The following VPS54 variants were observed in gnomAD, a reference collection of about 807,000 sequenced individuals.
The protein encoded by VPS54 is vacuolar protein sorting-associated protein 54.
In VPS54, 45 loss-of-function variants were observed where a neutral mutation model predicts 121.5. The observed-to-expected ratio is 0.37, with a 90% CI of 0.29 to 0.47. VPS54 has a LOEUF of 0.47. Among genes scored for constraint, VPS54 ranks in the 20% least tolerant of loss-of-function variants. The pLI, the probability that VPS54 is intolerant of heterozygous loss-of-function variation, is 0.99. For missense variants in VPS54, 1,090 were observed against 1,131.4 expected (o/e 0.96, Z 0.52); for synonymous variants, 371 against 385.8 (o/e 0.96, Z 0.45).
chr2:63,982,996 C>A (rs1188048004), intron 2 of VPS54, among the ~76,000 whole-genome samples: 1 of 152,060 alleles, frequency 6.6e-6, no homozygotes, highest in South Asian at 2.1e-4. Context: ...GGAGAATTTG[C>A]AAATACACAA....
chr2:63,980,424 T>C (rs1009700739), intron 3 of VPS54, among the ~76,000 whole-genome samples: 1 of 152,132 alleles, frequency 6.6e-6, no homozygotes, highest in African/African-American at 2.4e-5. Flanking sequence ...TTAAACCATT[T>C]AGATTTGGTG....
chr2:63,942,971 T>A (rs573645650), intron 10 of VPS54, among the ~76,000 whole-genome samples: 8 of 152,318 alleles, frequency 5.3e-5, no homozygotes, highest in Admixed American at 5.2e-4. Flanking sequence ...CACAACACAA[T>A]GCCTTGGTTT....
rs1347775281 is a variant in VPS54 at position 63,892,506 on chromosome 2, C to T, written c.*924G>A. 6.6e-6 allele frequency: 1 copy of T among 152,542 alleles called. No individual in the cohort carries two copies. The highest frequency in any genetic ancestry group is 2.4e-5 in the African/African-American group (1 of 41,412). The allele number at this position is 152,542 out of a possible 1,614,324, so 9.4% of individuals were successfully genotyped here. A position where few individuals can be genotyped will look rare whatever the true frequency, so the allele number is the denominator to read the frequency against. ...TTGTTCGTATACACATCGAAAGTAA[C>T]TTAAAAACAAGGATCCAAGGGGGCC... On this transcript the variant is annotated 3_prime_UTR_variant, in exon 23 of 23. Coordinates refer to ENST00000272322, the MANE Select transcript of VPS54 (RefSeq NM_016516.3).
Position 63,893,564 on chromosome 2 carries a change from A to G in VPS54, c.2829-29T>C, listed in dbSNP as rs760619609. On this transcript the variant is annotated intron_variant, in intron 22 of 22. Coordinates refer to ENST00000272322, the MANE Select transcript of VPS54 (RefSeq NM_016516.3). ...AATAATGGAGAGAAAATTATTTTTT[A>G]AATCTCAAACTTTCTATTCAGATAA... The G allele has an allele frequency of 2.0e-5, 32 of 1,579,982 alleles. No homozygotes were observed. In the Admixed American group the frequency reaches 5.4e-4, roughly 27 times the overall value.
chr2:63,910,167 A>T (rs759988999), intron 20 of VPS54, among the ~76,000 whole-genome samples: 4 of 152,230 alleles, frequency 2.6e-5, no homozygotes, highest in African/African-American at 4.8e-5. Flanking sequence ...GATATTAATT[A>T]AAAACAGGGT....
intron 20 of VPS54, among the ~76,000 whole-genome samples, chr2:63,907,894 C>T (rs917435169): frequency 2.0e-5 from 3 of 151,920 alleles, no homozygotes; most frequent in African/African-American, 7.3e-5. Flanking sequence ...TACAAGAGGA[C>T]GAACATTAAA....
intron 20 of VPS54, among the ~76,000 whole-genome samples, chr2:63,909,030 T>C (rs1673021509): frequency 6.6e-6 from 1 of 152,182 alleles, no homozygotes; most frequent in Admixed American, 6.5e-5. Context: ...CCTCATCTTA[T>C]CTATCCTTAA....
intron 20 of VPS54, among the ~76,000 whole-genome samples, chr2:63,911,189 T>C (rs1420482427): frequency 6.6e-6 from 1 of 152,210 alleles, no homozygotes; most frequent in African/African-American, 2.4e-5. Flanking sequence ...ACTGGTAGAA[T>C]AGAATTGCTT....
At chr2:63,967,488 C>T (rs546773797) in intron 5 of VPS54, among the ~76,000 whole-genome samples, 1 of 151,868 alleles carries the variant, frequency 6.6e-6, no homozygotes, top group Admixed American at 6.6e-5. Flanking sequence ...GCCAGGTGGG[C>T]GGATCACTTG....
At chr2:64,000,766 T>C (rs191832217) in intron 1 of VPS54, among the ~76,000 whole-genome samples, 1,870 of 152,360 alleles carry the variant, frequency 0.012, 17 homozygotes, top group Non-Finnish European at 0.015. Flanking sequence ...TGCATGGGGC[T>C]TGCAGCAGGG....
intron 4 of VPS54, among the ~76,000 whole-genome samples, chr2:63,969,449 C>G (rs1676161977): frequency 6.6e-6 from 1 of 152,048 alleles, no homozygotes. Context: ...CTCATAGGAG[C>G]ACAAACCCTA....
At chr2:63,926,412 T>A (rs1044585258) in intron 12 of VPS54, among the ~76,000 whole-genome samples, 8 of 152,196 alleles carry the variant, frequency 5.3e-5, no homozygotes, top group African/African-American at 1.9e-4. Flanking sequence ...TTGGTTTGTT[T>A]GTACTGAAGA....
At chr2:63,942,657 G>A (rs1399972203) in intron 10 of VPS54, 96 bp from the exon 11 acceptor site, 2 of 1,001,146 alleles carry the variant, frequency 2.0e-6, no homozygotes, top group Admixed American at 3.5e-5. Context: ...ATACTATCTA[G>A]TGATAAAATG....
At chr2:63,977,727 T>TTG (rs1247139355) in intron 3 of VPS54, among the ~76,000 whole-genome samples, 1 of 152,234 alleles carries the variant, frequency 6.6e-6, no homozygotes, top group Non-Finnish European at 1.5e-5. Context: ...ATCTGTCTGT[T>TTG]TAAACAGTGT....
chr2:63,908,581 T>C (rs1673006018), intron 20 of VPS54, among the ~76,000 whole-genome samples: 1 of 152,192 alleles, frequency 6.6e-6, no homozygotes, highest in African/African-American at 2.4e-5. Flanking sequence ...ATTGCTTAGT[T>C]TTCTACTGGT....
chr2:63,956,829 G>A (rs1023463619), intron 7 of VPS54, among the ~76,000 whole-genome samples: 1 of 152,022 alleles, frequency 6.6e-6, no homozygotes, highest in African/African-American at 2.4e-5. Flanking sequence ...TGAAGTAGTA[G>A]GAATAGAGTG....
intron 12 of VPS54, among the ~76,000 whole-genome samples, chr2:63,931,876 A>G (rs560681506): frequency 6.6e-6 from 1 of 152,272 alleles, no homozygotes; most frequent in Admixed American, 6.5e-5. Context: ...AAAAGAGGAC[A>G]TTTATGTGGC....
chr2:63,959,417 G>C (rs1678334144), intron 7 of VPS54, among the ~76,000 whole-genome samples: 1 of 152,066 alleles, frequency 6.6e-6, no homozygotes, highest in South Asian at 2.1e-4. Context: ...CTCAAGTTCT[G>C]ATACCAAACT....
At chr2:63,939,579 T>C (rs1377590384) in intron 11 of VPS54, among the ~76,000 whole-genome samples, 1 of 152,170 alleles carries the variant, frequency 6.6e-6, no homozygotes, top group Non-Finnish European at 1.5e-5. Context: ...AAAGTAATAC[T>C]TCTCTTTGTA....
Sources: gnomAD v4.1 joint callset for allele counts (sites outside exome capture counted in the v4.1 genomes callset) on GRCh38, gnomAD v4.1.1 for gene constraint, MANE v1.5 for transcripts, NCBI Gene and HGNC (gene_info 2026-07-23, HGNC 2026-07-21) for gene names.